Variants in HEPHL1 observed in about 807,000 individuals in gnomAD.
HEPHL1 encodes the protein ferroxidase HEPHL1.
HEPHL1 carries 123 observed loss-of-function variants against 122.0 expected under a neutral mutation model. The observed-to-expected ratio is 1.01, with a 90% CI of 0.87 to 1.17. The LOEUF is 1.17. Among genes scored for constraint, HEPHL1 ranks in the 50% most tolerant of loss-of-function variants. The pLI is 0.00. For synonymous variants in HEPHL1, 527 were observed against 508.9 expected, an observed-to-expected ratio of 1.04 and a Z score of -0.48; for missense variants, 1,452 against 1,430.5, an observed-to-expected ratio of 1.01 and a Z score of -0.24.
At chr11:94,111,104 A>G in intron 18 of HEPHL1, 39 bp downstream of exon 18, 1 of 1,517,234 alleles carries the variant, frequency 6.6e-7, no homozygotes, top group Non-Finnish European at 8.9e-7. Flanking sequence ...GATGGCACCG[A>G]GCTTCCTGTA....
intron 17 of HEPHL1, among the ~76,000 whole-genome samples, chr11:94,108,867 A>C (rs912957106): frequency 5.9e-5 from 9 of 152,112 alleles, no homozygotes; most frequent in Non-Finnish European, 1.0e-4. Context: ...CTTCCCAGAT[A>C]AATTTTAGAA....
In HEPHL1 at chr11:94,112,026, C is replaced by T. The variant is rs1946454690; in HGVS notation, c.*132C>T. The T allele has an allele frequency of 1.8e-6, 1 of 550,982 alleles. No homozygotes were observed. Among genetic ancestry groups the T allele is most frequent in the Non-Finnish European group, 3.1e-6 (1 of 326,586 alleles). 34.1% of individuals were successfully genotyped at this position (550,982 alleles called of 1,614,324 possible). On this transcript the variant is annotated 3_prime_UTR_variant, in exon 20 of 20. Coordinates refer to ENST00000315765, the MANE Select transcript of HEPHL1 (RefSeq NM_001098672.2). The stretch of plus-strand genomic sequence containing the variant: ...TGTATCCTGGATCAGCCTTCTGATC[C>T]TCTCAAACATCATCCAAAGCAATTT...
intron 10 of HEPHL1, among the ~76,000 whole-genome samples, chr11:94,085,030 A>G (rs1363346081): frequency 6.6e-6 from 1 of 152,232 alleles, no homozygotes; most frequent in African/African-American, 2.4e-5. Context: ...AAGGTCACTC[A>G]TGTGCATGAT....
intron 1 of HEPHL1, among the ~76,000 whole-genome samples, chr11:94,037,184 G>A (rs973318527): frequency 1.1e-4 from 17 of 152,118 alleles, no homozygotes; most frequent in Admixed American, 2.6e-4. Context: ...GGCGCACCAC[G>A]AGATTATATC....
At chr11:94,057,835 G>A (rs931494053) in intron 2 of HEPHL1, among the ~76,000 whole-genome samples, 1 of 151,762 alleles carries the variant, frequency 6.6e-6, no homozygotes, top group Admixed American at 6.6e-5. Flanking sequence ...GTTTCTTTGT[G>A]TTTCTCATAT....
chr11:94,093,971 G>GATATATATATATATATATATATATATAT (rs201036709), intron 13 of HEPHL1, among the ~76,000 whole-genome samples: 12 of 72,748 alleles, frequency 1.6e-4, no homozygotes, highest in Admixed American at 4.0e-4. Context: ...TCCTCCAGCA[G>GATATATATATATATATATATATATATAT]ATATATATAT....
At chr11:94,096,888 G>A (rs911318220) in intron 13 of HEPHL1, among the ~76,000 whole-genome samples, 16 of 151,966 alleles carry the variant, frequency 1.1e-4, no homozygotes, top group South Asian at 4.1e-4. Flanking sequence ...TTTTTATTGC[G>A]CCTATTTGAT....
chr11:94,062,345 A>C (rs569167735), intron 2 of HEPHL1, among the ~76,000 whole-genome samples: 1 of 152,350 alleles, frequency 6.6e-6, no homozygotes, highest in African/African-American at 2.4e-5. Context: ...GCACATAATA[A>C]GGGCTTAACT....
chr11:94,074,632 T>C (rs1287707903), intron 8 of HEPHL1, among the ~76,000 whole-genome samples: 1 of 152,108 alleles, frequency 6.6e-6, no homozygotes, highest in Non-Finnish European at 1.5e-5. Flanking sequence ...AAGGGTTAAG[T>C]GCACAGTCTT....
rs1182053409 is a variant in HEPHL1 at position 94,113,983 on chromosome 11, T to C, written c.*2089T>C. Among the ~76,000 whole-genome samples the C allele has an allele frequency of 6.6e-6, 1 of 152,216 alleles. No individual in the cohort carries two copies. Among genetic ancestry groups the C allele is most frequent in the Non-Finnish European group, 1.5e-5 (1 of 68,050 alleles). The stretch of plus-strand genomic sequence containing the variant: ...GCCTCACTCTTGAGAAAATCAACTC[T>C]GCCTTCACTTACACACATATTTCTT... On this transcript the variant is annotated 3_prime_UTR_variant, in exon 20 of 20. Coordinates refer to ENST00000315765, the MANE Select transcript of HEPHL1 (RefSeq NM_001098672.2).
intron 10 of HEPHL1, among the ~76,000 whole-genome samples, chr11:94,085,370 G>A (rs983411521): frequency 3.9e-5 from 6 of 152,166 alleles, no homozygotes; most frequent in East Asian, 1.9e-4. Context: ...AAGGAAGTAC[G>A]AGTTATCATA....
intron 6 of HEPHL1, among the ~76,000 whole-genome samples, chr11:94,071,528 A>G (rs982661058): frequency 6.6e-6 from 1 of 152,170 alleles, no homozygotes; most frequent in Non-Finnish European, 1.5e-5. Context: ...GCCTTCTAGA[A>G]TTCTGAAGTG....
chr11:94,093,893 T>C (rs1467049264), intron 13 of HEPHL1, among the ~76,000 whole-genome samples: 1 of 148,444 alleles, frequency 6.7e-6, no homozygotes, highest in Non-Finnish European at 1.5e-5. Context: ...CAGGGCAGTC[T>C]AACTGGTGTA....
Position 94,021,440 on chromosome 11 carries a change from A to T in HEPHL1, c.72A>T (p.Thr24=). Reference sequence around the variant, plus strand: ...TGGGTCTGTCTGGGCTGGTTGGCACAGTTACCAGAACGTACTACATTGGGA... The same window carrying T: ...TGGGTCTGTCTGGGCTGGTTGGCACTGTTACCAGAACGTACTACATTGGGA... ...TFLGLSGLVG[T]VTRTYYIGIV... Residue 24 remains threonine (T), a synonymous_variant, in exon 1 of 20, where the codon ACA becomes ACT. Coordinates refer to ENST00000315765, the MANE Select transcript of HEPHL1 (RefSeq NM_001098672.2). The T allele has an allele frequency of 6.2e-7, 1 of 1,613,614 alleles. No homozygotes were observed. Among genetic ancestry groups the T allele is most frequent in the South Asian group, 1.1e-5 (1 of 91,062 alleles).
At chr11:94,036,706 G>A (rs886550585) in intron 1 of HEPHL1, among the ~76,000 whole-genome samples, 1 of 152,064 alleles carries the variant, frequency 6.6e-6, no homozygotes, top group African/African-American at 2.4e-5. Context: ...CGGCGTGGTG[G>A]CAGGCGCCTG....
Position 94,113,061 on chromosome 11 carries a change from A to C in HEPHL1, c.*1167A>C, listed in dbSNP as rs1355751121. ...GCAGATTCTCTTAAACCATTAAACC[A>C]GCTTTGAAAATTAATAAATAATTTC... On this transcript the variant is annotated 3_prime_UTR_variant, in exon 20 of 20. Transcript: ENST00000315765. 6.6e-6 allele frequency: 1 copy of C among 152,230 alleles called. No homozygotes were observed. Among genetic ancestry groups the C allele is most frequent in the Non-Finnish European group, 1.5e-5 (1 of 68,038 alleles). The allele number at this position is 152,230 out of a possible 1,614,324, so 9.4% of individuals were successfully genotyped here.
intron 16 of HEPHL1, among the ~76,000 whole-genome samples, chr11:94,105,302 T>C: frequency 6.6e-6 from 1 of 152,222 alleles, no homozygotes; most frequent in Non-Finnish European, 1.5e-5. Flanking sequence ...CTTGTTAATA[T>C]AGATTAGAAT....
intron 5 of HEPHL1, among the ~76,000 whole-genome samples, chr11:94,068,320 C>A (rs551998017): frequency 2.5e-4 from 38 of 152,262 alleles, no homozygotes; most frequent in African/African-American, 8.4e-4. Context: ...TATTTAATTT[C>A]GTTTTGAACA....
At chr11:94,027,245 C>G (rs1253152933) in intron 1 of HEPHL1, among the ~76,000 whole-genome samples, 2 of 152,156 alleles carry the variant, frequency 1.3e-5, no homozygotes, top group Non-Finnish European at 2.9e-5. Context: ...CCAGCTAATC[C>G]AGGATGATCT....
Sources: gnomAD v4.1 joint callset for allele counts (sites outside exome capture counted in the v4.1 genomes callset) on GRCh38, gnomAD v4.1.1 for gene constraint, MANE v1.5 for transcripts, NCBI Gene and HGNC (gene_info 2026-07-23, HGNC 2026-07-21) for gene names.